NLRP9: variants seen among roughly 807,000 people sequenced by gnomAD.
NLRP9 encodes the protein NLR family pyrin domain containing 9.
Under a neutral mutation model 83.1 loss-of-function variants are expected in NLRP9, and 88 were observed. The observed-to-expected ratio is 1.06, with a 90% CI of 0.89 to 1.26. NLRP9 has a LOEUF of 1.26. Ranked by LOEUF, NLRP9 falls within the 50% of genes most tolerant of loss-of-function variation. The probability of loss-of-function intolerance (pLI) is 0.00; values close to 1 mark genes in which losing one functional copy is unlikely to be tolerated. For missense variants in NLRP9, 1,308 were observed against 1,179.3 expected, an observed-to-expected ratio of 1.11 and a Z score of -1.60; for synonymous variants, 521 against 447.6, an observed-to-expected ratio of 1.16 and a Z score of -2.07.
chr19:55,730,623 G>A (rs1045726410), intron 2 of NLRP9, among the ~76,000 whole-genome samples: 10 of 151,976 alleles, frequency 6.6e-5, no homozygotes, highest in South Asian at 2.1e-4. Flanking sequence ...TGGATGGAGC[G>A]GGAGGCCATT....
chr19:55,710,689 G>A lies in NLRP9; in HGVS notation c.2843+1111C>T, dbSNP rs145459591. Among the ~76,000 whole-genome samples, 1,132 of 152,192 alleles carry A rather than the reference G, an allele frequency of 7.4e-3. 15 individuals carry two copies. The highest frequency in any genetic ancestry group is 0.022 in the African/African-American group (917 of 41,512). Reference sequence around the variant, plus strand: ...CGTGCCTATTTCTGCTTCACATTCCGCCATGATTCAAAGTTTCCTGTGGCT... The same window carrying A: ...CGTGCCTATTTCTGCTTCACATTCCACCATGATTCAAAGTTTCCTGTGGCT... On this transcript the variant is annotated intron_variant, in intron 8 of 8. Transcript: ENST00000332836.
In NLRP9 at chr19:55,723,958, G is replaced by A. The variant is rs112704427; in HGVS notation, c.2159+22C>T. ...CCCACCTTGGAAAGAAACAGCACTC[G>A]GCATGAACAGCCCGGACTTACATCA... On this transcript the variant is annotated intron_variant, in intron 4 of 8. Transcript: ENST00000332836. 3.3e-4 allele frequency: 523 copies of A among 1,592,200 alleles called. 2 individuals carry two copies. The African/African-American group carries it at 5.8e-3, about 18-fold the overall frequency.
At chr19:55,733,901 C>G (rs1039128788) in intron 1 of NLRP9, among the ~76,000 whole-genome samples, 4 of 149,514 alleles carry the variant, frequency 2.7e-5, no homozygotes, top group African/African-American at 9.9e-5. Flanking sequence ...TAGATAAACT[C>G]AACCAGTTGT....
At chr19:55,714,226 G>C (rs148968233) in intron 6 of NLRP9, among the ~76,000 whole-genome samples, 1 of 152,180 alleles carries the variant, frequency 6.6e-6, no homozygotes, top group East Asian at 1.9e-4. Flanking sequence ...GCCAGGCATT[G>C]ATCATAGTCC....
chr19:55,724,983 C>G (rs770306520), intron 3 of NLRP9, among the ~76,000 whole-genome samples: 2 of 151,986 alleles, frequency 1.3e-5, no homozygotes, highest in Non-Finnish European at 2.9e-5. Context: ...CACTTGAACC[C>G]AGGAGGCGGA....
Position 55,732,031 on chromosome 19 carries a change from A to G in NLRP9, c.1800T>C (p.Asn600=). The G allele has an allele frequency of 6.3e-7, 1 of 1,583,950 alleles. No individual in the cohort carries two copies. Among genetic ancestry groups the G allele is most frequent in the South Asian group, 1.2e-5 (1 of 84,352 alleles). The change falls in exon 2 of 9, where the codon AAT becomes AAC. Residue 600 remains asparagine (N), a synonymous_variant. Coordinates refer to ENST00000332836, the MANE Select transcript of NLRP9 (RefSeq NM_176820.4). ...TGCATCCTGAGTCATCTGGAAAGAT[A>G]TTCTCCACACACATGCGAAGTGTCG... ...HLTTLRMCVE[N]IFPDDSGCIS... is the part of the protein sequence containing the mutation.
intron 1 of NLRP9, among the ~76,000 whole-genome samples, chr19:55,735,845 G>A (rs1010454870): frequency 4.0e-5 from 6 of 151,654 alleles, no homozygotes; most frequent in East Asian, 3.9e-4. Context: ...GCACCACCAC[G>A]CCTGGGTAAT....
At chr19:55,712,701 T>TGATGAGGAG (rs1987787873) in intron 6 of NLRP9, 111 bp from the exon 7 acceptor site, 1 of 865,978 alleles carries the variant, frequency 1.2e-6, no homozygotes, top group Non-Finnish European at 1.8e-6. Context: ...AAATCTGAGA[T>TGATGAGGAG]GATGAGGAGG....
rs962062094 is a variant in NLRP9 at position 55,734,526 on chromosome 19, C to CACAT, written c.281-977_281-976insATGT. ...AAGTACACATATATATACACACACA[C>CACAT]ATATATATATATATATACATATATA... On this transcript the variant is annotated intron_variant, in intron 1 of 8. Coordinates refer to ENST00000332836, the MANE Select transcript of NLRP9 (RefSeq NM_176820.4). Among the ~76,000 whole-genome samples, 1,057 of 107,822 alleles carry CACAT rather than the reference C, an allele frequency of 9.8e-3. 14 individuals carry two copies. Among genetic ancestry groups the CACAT allele is most frequent in the African/African-American group, 0.044 (1,022 of 23,232 alleles). 70.7% of individuals were successfully genotyped at this position (107,822 alleles called of 152,430 possible). A position where few individuals can be genotyped will look rare whatever the true frequency, so the allele number is the denominator to read the frequency against.
chr19:55,731,741 A>G (rs894853930), intron 2 of NLRP9, among the ~76,000 whole-genome samples: 5 of 133,872 alleles, frequency 3.7e-5, no homozygotes, highest in African/African-American at 1.4e-4. Context: ...AAAAAAAAAA[A>G]GTCCTGCTAG....
intron 8 of NLRP9, chr19:55,711,370 C>T (rs777113906): frequency 1.5e-5 from 18 of 1,221,886 alleles, no homozygotes; most frequent in East Asian, 5.9e-5. Flanking sequence ...TTCAGAACAA[C>T]GTTAACTGCT....
chr19:55,722,510 T>A (rs1988259939), intron 4 of NLRP9, among the ~76,000 whole-genome samples: 1 of 152,176 alleles, frequency 6.6e-6, no homozygotes, highest in Non-Finnish European at 1.5e-5. Flanking sequence ...CAAGTATAGA[T>A]GAATCTGTCA....
At position 55,738,151 on chromosome 19, in the gene NLRP9, A is replaced by C. The variant is rs1988834803; in HGVS notation, c.224T>G (p.Leu75Arg). Residue 75 changes from leucine (L) to arginine (R), a missense_variant, in exon 1 of 9, where the codon CTG becomes CGG. Physicochemically the swap from Leu to Arg is moderately radical, Grantham distance 102. Transcript: ENST00000332836. Reference sequence around the variant, plus strand: ...ATCTTTCCTATTGATCTGTAGAAACAGGTTCAGTGTTACCTCCCATGCCTG... The same window carrying C: ...ATCTTTCCTATTGATCTGTAGAAACCGGTTCAGTGTTACCTCCCATGCCTG... Reference protein sequence around the residue: ...GKQAWEVTLNLFLQINRKDLW... With the variant: ...GKQAWEVTLNRFLQINRKDLW... 1 of 1,614,114 alleles carries C rather than the reference A, an allele frequency of 6.2e-7. No homozygotes were observed. The highest frequency in any genetic ancestry group is 8.5e-7 in the Non-Finnish European group (1 of 1,179,996).
chr19:55,711,473 G>A lies in NLRP9; in HGVS notation c.2843+327C>T, dbSNP rs867765964. ...CTGGCGTTGCATATTTATGGGCAAC[G>A]TAAGTAGAAGATGTTTTATAGAGCA... is the stretch of plus-strand genomic sequence containing the variant. On this transcript the variant is annotated intron_variant, in intron 8 of 8. Transcript: ENST00000332836. 10 of 1,321,712 alleles carry A rather than the reference G, an allele frequency of 7.6e-6. 1 individual carries two copies. Among genetic ancestry groups the A allele is most frequent in the South Asian group, 7.4e-5 (6 of 81,298 alleles). 81.9% of individuals were successfully genotyped at this position (1,321,712 alleles called of 1,614,324 possible). A position where few individuals can be genotyped will look rare whatever the true frequency, so the allele number is the denominator to read the frequency against.
Position 55,716,711 on chromosome 19 carries a change from C to T in NLRP9, c.2330+17G>A. On this transcript the variant is annotated intron_variant, in intron 5 of 8. Coordinates refer to ENST00000332836, the MANE Select transcript of NLRP9 (RefSeq NM_176820.4). ...GCTTCAGAAATCTCCGAACGTGCTT[C>T]CCGCAGACCAACTTACATCAGCCTC... 2 of 1,608,694 alleles carry T rather than the reference C, an allele frequency of 1.2e-6. No individual in the cohort carries two copies. The highest frequency in any genetic ancestry group is 1.7e-6 in the Non-Finnish European group (2 of 1,175,568).
Position 55,726,460 on chromosome 19 carries a change from G to A in NLRP9, c.1995-2316C>T, listed in dbSNP as rs1988406618. Among the ~76,000 whole-genome samples, 3 of 152,110 alleles carry A rather than the reference G, an allele frequency of 2.0e-5. No homozygotes were observed. The South Asian group carries it at 6.2e-4, about 31-fold the overall frequency. On this transcript the variant is annotated intron_variant, in intron 3 of 8. Coordinates refer to ENST00000332836, the MANE Select transcript of NLRP9 (RefSeq NM_176820.4). ...CCTGGGCTCATTCCTTCAACTTTGA[G>A]TCCAATGCCTCCCCAGCGTTAGGGA... is the stretch of plus-strand genomic sequence containing the variant.
rs1318962993 is a variant in NLRP9, at chr19:55,712,400, G to A, written c.2672+20C>T. The stretch of plus-strand genomic sequence containing the variant: ...TGAAATAGATAAATTTTCCTACGAT[G>A]GTGATCAGTAGATACTCACCCGAGA... On this transcript the variant is annotated intron_variant, in intron 7 of 8. Coordinates refer to ENST00000332836, the MANE Select transcript of NLRP9 (RefSeq NM_176820.4). 1 of 1,591,258 alleles carries A rather than the reference G, an allele frequency of 6.3e-7. No homozygotes were observed. Among genetic ancestry groups the A allele is most frequent in the African/African-American group, 1.3e-5 (1 of 74,274 alleles).
chr19:55,719,398 C>T (rs935253559), intron 4 of NLRP9, among the ~76,000 whole-genome samples: 2 of 152,158 alleles, frequency 1.3e-5, no homozygotes, highest in African/African-American at 4.8e-5. Context: ...AGTGATCTGC[C>T]CGCCTCGGCC....
chr19:55,710,693 T>A (rs546624285), intron 8 of NLRP9, among the ~76,000 whole-genome samples: 1 of 152,312 alleles, frequency 6.6e-6, no homozygotes, highest in South Asian at 2.1e-4. Flanking sequence ...CATTCCGCCA[T>A]GATTCAAAGT....
Sources: allele counts gnomAD v4.1 joint callset (sites outside exome capture counted in the v4.1 genomes callset), GRCh38; gene constraint gnomAD v4.1.1; transcripts MANE v1.5; gene names NCBI Gene and HGNC (gene_info 2026-07-23, HGNC 2026-07-21).